The following HHAT variants were observed in gnomAD, a reference collection of about 807,000 sequenced individuals.
The protein encoded by HHAT is protein-cysteine N-palmitoyltransferase HHAT.
HHAT carries 47 observed loss-of-function variants against 70.8 expected under a neutral mutation model. That is an observed-to-expected ratio of 0.66 (90% CI 0.53 to 0.85). HHAT has a LOEUF of 0.85. HHAT is among the 40% of genes least tolerant of loss of function. The probability of loss-of-function intolerance (pLI) is 0.00; values close to 1 mark genes in which losing one functional copy is unlikely to be tolerated. For synonymous variants in HHAT, 228 were observed against 247.6 expected, an observed-to-expected ratio of 0.92 and a Z score of 0.74; for missense variants, 609 against 604.8, an observed-to-expected ratio of 1.01 and a Z score of -0.07.
At chr1:210,457,641 G>C (rs58157670) in intron 7 of HHAT, among the ~76,000 whole-genome samples, 1,946 of 152,222 alleles carry the variant, frequency 0.013, 50 homozygotes, top group African/African-American at 0.045. Flanking sequence ...AGAGCTAAGG[G>C]GCACCTCTCT....
intron 8 of HHAT, among the ~76,000 whole-genome samples, chr1:210,492,890 G>A (rs1404130922): frequency 1.3e-5 from 2 of 152,080 alleles, no homozygotes; most frequent in African/African-American, 4.8e-5. Flanking sequence ...GTCAGTGGAT[G>A]GGTTCAGATG....
chr1:210,592,614 T>G (rs996314429), intron 10 of HHAT, among the ~76,000 whole-genome samples: 2 of 152,154 alleles, frequency 1.3e-5, no homozygotes, highest in Non-Finnish European at 2.9e-5. Context: ...ATCTGTAGAT[T>G]ACTTTAGGTA....
intron 9 of HHAT, among the ~76,000 whole-genome samples, chr1:210,560,507 A>G (rs771939134): frequency 4.6e-5 from 7 of 152,170 alleles, no homozygotes; most frequent in South Asian, 2.1e-4. Flanking sequence ...GATGACAGCT[A>G]TGACATCATT....
chr1:210,342,714 G>T (rs1011757879), intron 1 of HHAT, among the ~76,000 whole-genome samples: 4 of 152,168 alleles, frequency 2.6e-5, no homozygotes, highest in African/African-American at 9.7e-5. Context: ...CAGCCTGATT[G>T]CTCTGCCTAA....
At chr1:210,551,306 C>T (rs1005331376) in intron 9 of HHAT, among the ~76,000 whole-genome samples, 3 of 149,048 alleles carry the variant, frequency 2.0e-5, no homozygotes, top group Admixed American at 6.9e-5. Flanking sequence ...TTAGCACCCC[C>T]GACCCATGGG....
intron 9 of HHAT, among the ~76,000 whole-genome samples, chr1:210,547,102 G>T (rs182394476): frequency 2.1e-4 from 32 of 152,260 alleles, no homozygotes; most frequent in Non-Finnish European, 4.0e-4. Flanking sequence ...GGGTGAGGTG[G>T]GTGGATCTCC....
At position 210,422,403 on chromosome 1, in the gene HHAT, TCTCCCTATCC is replaced by T. The variant is rs1558485894; in HGVS notation, c.856+4085_856+4094del. Among the ~76,000 whole-genome samples the T allele has an allele frequency of 2.6e-5, 4 of 152,336 alleles. No individual in the cohort carries two copies. The South Asian group carries it at 8.3e-4, about 32-fold the overall frequency. ...GTAATTTTGTATCTTTTAACAAATC[TCTCCCTATCC>T]CTCCCTTTCCAGCTTCTAGTATTTT... On this transcript the variant is annotated intron_variant, in intron 7 of 11. Transcript: ENST00000261458.
rs571481420 is a variant in HHAT at position 210,674,443 on chromosome 1, C to T, written c.*64C>T. ...AAGGCAAATAGTGCTTCACCCTGAC[C>T]TCTCACTCCAGGACAGCCTCTAAGG... On this transcript the variant is annotated 3_prime_UTR_variant, in exon 12 of 12. Coordinates refer to ENST00000261458, the MANE Select transcript of HHAT (RefSeq NM_018194.6). 5.0e-4 allele frequency: 645 copies of T among 1,298,512 alleles called. 9 individuals carry two copies. The South Asian group carries it at 7.4e-3, about 15-fold the overall frequency. 80.4% of individuals were successfully genotyped at this position (1,298,512 alleles called of 1,614,324 possible). A position where few individuals can be genotyped will look rare whatever the true frequency, so the allele number is the denominator to read the frequency against.
chr1:210,370,598 A>G (rs2089473855), intron 3 of HHAT, among the ~76,000 whole-genome samples: 1 of 145,760 alleles, frequency 6.9e-6, no homozygotes, highest in Non-Finnish European at 1.5e-5. Context: ...ATCCATTCAC[A>G]TTGCAGATGC....
At chr1:210,518,438 T>C (rs568582606) in intron 9 of HHAT, among the ~76,000 whole-genome samples, 3 of 152,334 alleles carry the variant, frequency 2.0e-5, no homozygotes, top group African/African-American at 7.2e-5. Flanking sequence ...TATGGCTGCA[T>C]AGTATTCCAT....
intron 7 of HHAT, among the ~76,000 whole-genome samples, chr1:210,445,763 G>C (rs1471252616): frequency 6.6e-6 from 1 of 152,120 alleles, no homozygotes; most frequent in Non-Finnish European, 1.5e-5. Context: ...CTATTTAGAA[G>C]GCTAGACATC....
At chr1:210,592,062 T>C (rs946034299) in intron 10 of HHAT, among the ~76,000 whole-genome samples, 1 of 152,152 alleles carries the variant, frequency 6.6e-6, no homozygotes, top group Non-Finnish European at 1.5e-5. Context: ...CTATTTTTGC[T>C]TGGTTGCCTG....
chr1:210,501,919 A>C (rs937408507), intron 8 of HHAT, among the ~76,000 whole-genome samples: 3 of 151,368 alleles, frequency 2.0e-5, no homozygotes, highest in African/African-American at 7.3e-5. Context: ...TGACCATCTT[A>C]TTGGATGCCT....
At chr1:210,451,776 G>A (rs1391095705) in intron 7 of HHAT, among the ~76,000 whole-genome samples, 3 of 152,086 alleles carry the variant, frequency 2.0e-5, no homozygotes, top group African/African-American at 4.8e-5. Context: ...ACATGGTTTT[G>A]CTATGTTGCC....
chr1:210,479,664 C>G (rs1002852486), intron 8 of HHAT, among the ~76,000 whole-genome samples: 6 of 152,190 alleles, frequency 3.9e-5, no homozygotes, highest in African/African-American at 1.4e-4. Context: ...TAGCTTTAAA[C>G]TGTCATGTCT....
intron 11 of HHAT, among the ~76,000 whole-genome samples, chr1:210,625,087 T>C (rs1391387588): frequency 6.6e-6 from 1 of 151,964 alleles, no homozygotes; most frequent in Non-Finnish European, 1.5e-5. Context: ...CAAGAGAGAG[T>C]CCTGTTCTAC....
At chr1:210,636,438 C>A (rs1008945228) in intron 11 of HHAT, among the ~76,000 whole-genome samples, 9 of 152,150 alleles carry the variant, frequency 5.9e-5, no homozygotes, top group Non-Finnish European at 1.3e-4. Context: ...TTTTGTCAGG[C>A]TCTGGGATTT....
chr1:210,410,393 A>G (rs928980554), intron 6 of HHAT, among the ~76,000 whole-genome samples: 1 of 149,760 alleles, frequency 6.7e-6, no homozygotes, highest in African/African-American at 2.5e-5. Flanking sequence ...TAGATTGCAG[A>G]TGTAAATGGA....
intron 8 of HHAT, among the ~76,000 whole-genome samples, chr1:210,495,245 C>T (rs1159597544): frequency 6.6e-6 from 1 of 150,706 alleles, no homozygotes; most frequent in African/African-American, 2.4e-5. Context: ...ATATATAATA[C>T]ATGCTTAATA....
Sources: allele counts gnomAD v4.1 joint callset (sites outside exome capture counted in the v4.1 genomes callset), GRCh38; gene constraint gnomAD v4.1.1; transcripts MANE v1.5; gene names NCBI Gene and HGNC (gene_info 2026-07-23, HGNC 2026-07-21).